PLXNA2: variants seen among roughly 807,000 people sequenced by gnomAD.
The protein encoded by PLXNA2 is plexin-A2.
A neutral mutation model predicts 193.5 loss-of-function variants in PLXNA2; 91 were observed. The ratio of observed to expected loss-of-function variants is 0.47; its 90% CI spans 0.40 to 0.56. The LOEUF is 0.56. Ranked by LOEUF, PLXNA2 falls within the 20% of genes least tolerant of loss-of-function variation. The pLI, the probability that PLXNA2 is intolerant of heterozygous loss-of-function variation, is 0.00. For missense variants in PLXNA2, 1,995 were observed against 2,503.2 expected, an observed-to-expected ratio of 0.80 and a Z score of 4.33; for synonymous variants, 997 against 1,027.3, an observed-to-expected ratio of 0.97 and a Z score of 0.56.
intron 1 of PLXNA2, among the ~76,000 whole-genome samples, chr1:208,228,773 G>A (rs528764865): frequency 6.6e-6 from 1 of 152,082 alleles, no homozygotes; most frequent in African/African-American, 2.4e-5. Context: ...TCCCCAAAAC[G>A]CCCTGCCCTG....
chr1:208,093,846 G>T (rs1666790621), intron 8 of PLXNA2, among the ~76,000 whole-genome samples: 1 of 152,128 alleles, frequency 6.6e-6, no homozygotes, highest in Non-Finnish European at 1.5e-5. Context: ...GTTTTGTAGG[G>T]GGGATTAGTC....
intron 12 of PLXNA2, 43 bp from the exon 13 acceptor site, chr1:208,060,880 G>A (rs765396159): frequency 1.3e-6 from 2 of 1,597,724 alleles, no homozygotes; most frequent in Non-Finnish European, 1.7e-6. Flanking sequence ...TTGGTCACAG[G>A]AACAGAAACA....
chr1:208,028,366 G>A lies in PLXNA2; in HGVS notation c.5439-207C>T, dbSNP rs761957531. ...TTTCTTCAGTAGATTCCATCTAGCC[G>A]AGAGCTCGTGGCTGCGGTGCCCAAC... On this transcript the variant is annotated intron_variant, in intron 30 of 31. Transcript: ENST00000367033. This position sits in a 1 kb window ranked among gnomAD's most constrained non-coding sequence, Gnocchi z 4.2. 2.6e-5 allele frequency among the ~76,000 whole-genome samples: 4 copies of A among 152,166 alleles called. No homozygotes were observed. Among genetic ancestry groups the A allele is most frequent in the African/African-American group, 9.7e-5 (4 of 41,442 alleles).
At chr1:208,173,353 G>A (rs1669555096) in intron 3 of PLXNA2, among the ~76,000 whole-genome samples, 1 of 152,158 alleles carries the variant, frequency 6.6e-6, no homozygotes, top group South Asian at 2.1e-4. Context: ...CCTGCACTAT[G>A]AGCCCCGTTT....
intron 12 of PLXNA2, among the ~76,000 whole-genome samples, chr1:208,061,243 G>A (rs570518507): frequency 2.0e-5 from 3 of 152,320 alleles, no homozygotes; most frequent in African/African-American, 7.2e-5. Flanking sequence ...CTCAAAGGGA[G>A]TCTGGAAGCA....
chr1:208,189,082 C>A (rs1162253878), intron 3 of PLXNA2, among the ~76,000 whole-genome samples: 3 of 152,156 alleles, frequency 2.0e-5, no homozygotes, highest in Admixed American at 1.3e-4. Flanking sequence ...AAGAAAAGGG[C>A]AAAAAGACAG....
intron 12 of PLXNA2, among the ~76,000 whole-genome samples, chr1:208,074,429 A>G (rs1170700749): frequency 2.0e-5 from 3 of 152,206 alleles, no homozygotes; most frequent in African/African-American, 7.2e-5. Context: ...GGACAGCATC[A>G]TTATCACACC....
intron 3 of PLXNA2, among the ~76,000 whole-genome samples, chr1:208,201,877 C>G (rs113718358): frequency 6.6e-6 from 1 of 152,044 alleles, no homozygotes; most frequent in Admixed American, 6.5e-5. Flanking sequence ...CTATTTTTTC[C>G]TTAGCACTTA....
At chr1:208,199,183 T>A (rs930409312) in intron 3 of PLXNA2, among the ~76,000 whole-genome samples, 1 of 152,206 alleles carries the variant, frequency 6.6e-6, no homozygotes, top group Admixed American at 6.5e-5. Flanking sequence ...TAGGCCTCCC[T>A]GCTGGGCAGG....
At chr1:208,130,576 T>C (rs1668115793) in intron 4 of PLXNA2, among the ~76,000 whole-genome samples, 1 of 152,270 alleles carries the variant, frequency 6.6e-6, no homozygotes, top group Non-Finnish European at 1.5e-5. Context: ...ATGCACCCAA[T>C]GTCATTGCCG....
At chr1:208,191,995 C>T (rs926386133) in intron 3 of PLXNA2, among the ~76,000 whole-genome samples, 1 of 152,178 alleles carries the variant, frequency 6.6e-6, no homozygotes, top group African/African-American at 2.4e-5. Context: ...CTCCCCTTGC[C>T]TCATGGTGGG....
At chr1:208,094,841 G>T (rs1054043334) in intron 8 of PLXNA2, among the ~76,000 whole-genome samples, 8 of 152,184 alleles carry the variant, frequency 5.3e-5, no homozygotes, top group Admixed American at 5.2e-4. Context: ...TTCTAATTAT[G>T]AAAATCAAGT....
At chr1:208,183,110 A>G (rs764607239) in intron 3 of PLXNA2, among the ~76,000 whole-genome samples, 15 of 152,104 alleles carry the variant, frequency 9.9e-5, no homozygotes, top group Non-Finnish European at 2.2e-4. Context: ...TCTAGGGGAG[A>G]GGTCAGAAGA....
chr1:208,033,193 G>A, intron 28 of PLXNA2, 126 bp downstream of exon 28: 1 of 886,918 alleles, frequency 1.1e-6, no homozygotes, highest in South Asian at 1.8e-5. Context: ...ACCAGGTCTG[G>A]CTGTACCTGG....
In PLXNA2 at chr1:208,022,925, C is replaced by T. The variant is rs1029576673; in HGVS notation, c.*4318G>A. ...CCAAGCAGTGGCTGTGATCGTGTCT[C>T]AGGACTTTCCCTAGCACTAGTTAGA... On this transcript the variant is annotated 3_prime_UTR_variant, in exon 32 of 32. Coordinates refer to ENST00000367033, the MANE Select transcript of PLXNA2 (RefSeq NM_025179.4). 6.6e-6 allele frequency: 1 copy of T among 152,030 alleles called. No individual in the cohort carries two copies. Among genetic ancestry groups the T allele is most frequent in the African/African-American group, 2.4e-5 (1 of 41,382 alleles). The allele number at this position is 152,030 out of a possible 1,614,324, so 9.4% of individuals were successfully genotyped here.
At chr1:208,130,687 G>C (rs1425406619) in intron 4 of PLXNA2, among the ~76,000 whole-genome samples, 1 of 152,126 alleles carries the variant, frequency 6.6e-6, no homozygotes, top group African/African-American at 2.4e-5. Flanking sequence ...GGCACAGGCA[G>C]ACTCTTACCT....
At chr1:208,040,264 T>G in intron 22 of PLXNA2, 1 of 584,372 alleles carries the variant, frequency 1.7e-6, no homozygotes, top group Non-Finnish European at 3.1e-6. Context: ...GGCCTCAATT[T>G]CCTATGAAAA....
intron 9 of PLXNA2, among the ~76,000 whole-genome samples, chr1:208,085,640 C>T (rs1666493468): frequency 6.6e-6 from 1 of 152,240 alleles, no homozygotes; most frequent in South Asian, 2.1e-4. Context: ...CACAGCCTCA[C>T]ACAGGGAATC....
chr1:208,044,458 G>A lies in PLXNA2; in HGVS notation c.3874+50C>T, dbSNP rs775033599. 7.7e-7 allele frequency: 1 copy of A among 1,294,686 alleles called. No homozygotes were observed. Among genetic ancestry groups the A allele is most frequent in the South Asian group, 1.2e-5 (1 of 84,116 alleles). 80.2% of individuals were successfully genotyped at this position (1,294,686 alleles called of 1,614,324 possible). On this transcript the variant is annotated intron_variant, in intron 20 of 31. Transcript: ENST00000367033. This position sits in a 1 kb window ranked among gnomAD's most constrained non-coding sequence, Gnocchi z 4.9. ...TTGTCTGCAGGGAGAAGGGCAATAA[G>A]GCAGGTGGAGAAAGAGGGACCCAGC... is the stretch of plus-strand genomic sequence containing the variant.
Sources: gnomAD v4.1 joint callset for allele counts (sites outside exome capture counted in the v4.1 genomes callset) on GRCh38, gnomAD v4.1.1 for gene constraint, Gnocchi (gnomAD v3.1) non-coding constraint, MANE v1.5 for transcripts, NCBI Gene and HGNC (gene_info 2026-07-23, HGNC 2026-07-21) for gene names.